Variants in ARHGAP30 observed in about 807,000 individuals in gnomAD.
ARHGAP30 encodes the protein rho GTPase-activating protein 30.
A neutral mutation model predicts 72.0 loss-of-function variants in ARHGAP30; 23 were observed. The observed-to-expected ratio is 0.32, with a 90% CI of 0.23 to 0.45. The LOEUF is 0.45. ARHGAP30 is among the 20% of genes least tolerant of loss of function. The pLI is 1.00. For synonymous variants in ARHGAP30, 576 were observed against 528.2 expected, an observed-to-expected ratio of 1.09 and a Z score of -1.24; for missense variants, 1,319 against 1,383.4, an observed-to-expected ratio of 0.95 and a Z score of 0.74.
In ARHGAP30 at chr1:161,056,418, C is replaced by G; in HGVS notation, c.315G>C (p.Leu105=). Residue 105 remains leucine, a synonymous_variant, in exon 3 of 12, where the codon CTG becomes CTC. Coordinates refer to ENST00000368013, the MANE Select transcript of ARHGAP30 (RefSeq NM_001025598.2). ...ACTTGTCATAGAGCCGGTAAGTGAGCAGGGGATCCGGCAGTTCTCTGAAAT... is the reference window on the plus strand; with the variant it reads ...ACTTGTCATAGAGCCGGTAAGTGAGGAGGGGATCCGGCAGTTCTCTGAAAT... ...KAYFRELPDP[L]LTYRLYDKFA... 6.2e-7 allele frequency: 1 copy of G among 1,613,950 alleles called. No individual in the cohort carries two copies. The highest frequency in any genetic ancestry group is 1.3e-5 in the African/African-American group (1 of 75,038).
At chr1:161,056,259 T>A in intron 3 of ARHGAP30, 129 bp downstream of exon 3, 1 of 1,313,746 alleles carries the variant, frequency 7.6e-7, no homozygotes, top group African/African-American at 1.5e-5. Context: ...TTTTCCCCGG[T>A]AAGTTTTTCT....
chr1:161,051,703 A>G lies in ARHGAP30; in HGVS notation c.1031T>C (p.Leu344Pro). 6.2e-7 allele frequency: 1 copy of G among 1,609,670 alleles called. No individual in the cohort carries two copies. Among genetic ancestry groups the G allele is most frequent in the Non-Finnish European group, 8.5e-7 (1 of 1,178,324 alleles). Residue 344 changes from leucine (L) to proline (P), a missense_variant, in exon 10 of 12, where the codon CTG becomes CCG. By Grantham distance (98) the Leu-to-Pro change is moderately conservative (BLOSUM62 -3). Around this residue, in one of 2 missense-constraint regions of ARHGAP30, gnomAD observed 1,097 missense variants for 1,045.2 expected, o/e 1.05. Coordinates refer to ENST00000368013, the MANE Select transcript of ARHGAP30 (RefSeq NM_001025598.2). ...TGGCCGGGGGCTGCTGGGCCCCACCAGCCCCTCTGGCTCTGTGGAGGAAAA... is the reference window on the plus strand; with the variant it reads ...TGGCCGGGGGCTGCTGGGCCCCACCGGCCCCTCTGGCTCTGTGGAGGAAAA... The part of the protein sequence containing the change: ...AAGASDEPEG[L>P]VGPSSPRPSP...
chr1:161,060,105 ACT>A, intron 1 of ARHGAP30: 1 of 369,006 alleles, frequency 2.7e-6, no homozygotes. Context: ...ACATGCTGAA[ACT>A]CTGTCTCTAC....
Position 161,069,411 on chromosome 1 carries a change from G to C in ARHGAP30, c.97+117C>G. 1.0e-6 allele frequency: 1 copy of C among 1,004,354 alleles called. No homozygotes were observed. Among genetic ancestry groups the C allele is most frequent in the Non-Finnish European group, 1.5e-6 (1 of 666,784 alleles). 62.2% of individuals were successfully genotyped at this position (1,004,354 alleles called of 1,614,324 possible). A position where few individuals can be genotyped will look rare whatever the true frequency, so the allele number is the denominator to read the frequency against. ...ACAGTTCTCTTGAATGGTGACCCCA[G>C]GCCACTGCCCCTTCCCCAGGAGCAC... On this transcript the variant is annotated intron_variant, in intron 1 of 11. Transcript: ENST00000368013. This position sits in a 1 kb window ranked among gnomAD's most constrained non-coding sequence, Gnocchi z 4.9.
intron 6 of ARHGAP30, 175 bp downstream of exon 6, chr1:161,053,083 C>T (rs924183066): frequency 7.0e-6 from 7 of 1,005,992 alleles, no homozygotes; most frequent in Middle Eastern, 2.5e-4. Flanking sequence ...AGACTGACAG[C>T]AGAAGAAGTC....
At chr1:161,062,428 T>A (rs1192857672) in intron 1 of ARHGAP30, among the ~76,000 whole-genome samples, 2 of 151,960 alleles carry the variant, frequency 1.3e-5, no homozygotes, top group Non-Finnish European at 1.5e-5. Context: ...CTTCTATGCA[T>A]TCCTTAAGAC....
chr1:161,050,742 G>C (rs1651299369), intron 10 of ARHGAP30, among the ~76,000 whole-genome samples: 1 of 151,700 alleles, frequency 6.6e-6, no homozygotes, highest in Non-Finnish European at 1.5e-5. Flanking sequence ...CTGGGTTCAA[G>C]CGATTCTCCT....
chr1:161,064,619 A>T (rs1436378725), intron 1 of ARHGAP30, among the ~76,000 whole-genome samples: 1 of 151,988 alleles, frequency 6.6e-6, no homozygotes, highest in Non-Finnish European at 1.5e-5. Flanking sequence ...TTAGCAGGGC[A>T]TGGTGGCTCA....
rs745923563 is a variant in ARHGAP30 at position 161,051,537 on chromosome 1, C to G, written c.1197G>C (p.Gly399=). The part of the protein sequence containing the change: ...PRAGRSAIRA[G]GSSRAERCAG... Reference sequence around the variant, plus strand: ...CACAGCGTTCTGCACGGCTGCTGCCCCCAGCCCGGATGGCTGACCGCCCAG... The same window carrying G: ...CACAGCGTTCTGCACGGCTGCTGCCGCCAGCCCGGATGGCTGACCGCCCAG... Residue 399 remains glycine, a synonymous_variant, in exon 10 of 12, where the codon GGG becomes GGC. Transcript: ENST00000368013. 1 of 1,614,216 alleles carries G rather than the reference C, an allele frequency of 6.2e-7. No homozygotes were observed. The highest frequency in any genetic ancestry group is 2.2e-5 in the East Asian group (1 of 44,892).
intron 5 of ARHGAP30, among the ~76,000 whole-genome samples, chr1:161,053,743 C>A (rs756498868): frequency 8.5e-5 from 13 of 152,170 alleles, no homozygotes; most frequent in South Asian, 4.1e-4. Context: ...GCACAGCCAA[C>A]AGACTGCAAG....
intron 1 of ARHGAP30, among the ~76,000 whole-genome samples, chr1:161,064,857 AGGAG>A (rs1435920918): frequency 0.021 from 2,011 of 96,468 alleles, 26 homozygotes; most frequent in Non-Finnish European, 0.031. Context: ...AAGGAAAGGA[AGGAG>A]AGGAAGGAGA....
rs781196727 is a variant in ARHGAP30 at position 161,052,055 on chromosome 1, C to CACCACA, written c.1018+225_1018+230dup. 4.8e-3 allele frequency among the ~76,000 whole-genome samples: 69 copies of CACCACA among 14,442 alleles called. 28 individuals carry two copies. Among genetic ancestry groups the CACCACA allele is most frequent in the Non-Finnish European group, 6.7e-3 (38 of 5,708 alleles). 9.5% of individuals were successfully genotyped at this position (14,442 alleles called of 152,430 possible). On this transcript the variant is annotated intron_variant, in intron 9 of 11. Transcript: ENST00000368013. ...CCACCACCACCACCACCACCACCAC[C>CACCACA]ACCACATACCCATGCTGTCCCATCC...
rs183851032 is a variant in ARHGAP30 at position 161,049,549 on chromosome 1, G to T, written c.1561C>A (p.Pro521Thr). 17 of 1,614,116 alleles carry T rather than the reference G, an allele frequency of 1.1e-5. No homozygotes were observed. The highest frequency in any genetic ancestry group is 1.4e-5 in the Non-Finnish European group (17 of 1,180,004). Residue 521 changes from proline to threonine, a missense_variant, in exon 11 of 12, where the codon CCT becomes ACT. By Grantham distance (38) the Pro-to-Thr change is conservative. Transcript: ENST00000368013. ...SFLEDSSSSE[P>T]EWVGAEDGEV... ...CCATCCTCTGCCCCCACCCACTCAGGTTCTGAGCTGCTTGAGTCCTCTAGG... is the reference window on the plus strand; with the variant it reads ...CCATCCTCTGCCCCCACCCACTCAGTTTCTGAGCTGCTTGAGTCCTCTAGG...
At chr1:161,056,834 G>A (rs1651911412) in intron 2 of ARHGAP30, among the ~76,000 whole-genome samples, 1 of 152,150 alleles carries the variant, frequency 6.6e-6, no homozygotes, top group South Asian at 2.1e-4. Flanking sequence ...AGTCAGTAGG[G>A]TATGGTCCTA....
At chr1:161,050,839 G>T (rs570773561) in intron 10 of ARHGAP30, among the ~76,000 whole-genome samples, 1 of 151,100 alleles carries the variant, frequency 6.6e-6, no homozygotes, top group African/African-American at 2.4e-5. Context: ...ATGGGGTTTC[G>T]CCATGTTGGG....
chr1:161,054,719 G>A lies in ARHGAP30; in HGVS notation c.346-14C>T. 3 of 1,613,222 alleles carry A rather than the reference G, an allele frequency of 1.9e-6. No homozygotes were observed. The highest frequency in any genetic ancestry group is 2.2e-5 in the South Asian group (2 of 91,076). On this transcript the variant is annotated splice_polypyrimidine_tract_variant and intron_variant, in intron 3 of 11. Transcript: ENST00000368013. ...TCCTACAGCCTCCTGATTGAGAAGA[G>A]TGCAAGAAGCAGGAATCAGTGACCC... is the stretch of plus-strand genomic sequence containing the variant.
At chr1:161,059,332 G>GT (rs1041197985) in intron 2 of ARHGAP30, among the ~76,000 whole-genome samples, 270 of 102,144 alleles carry the variant, frequency 2.6e-3, no homozygotes, top group South Asian at 9.6e-3. Context: ...CCTGGCTCAA[G>GT]TTTTTTTTTT....
chr1:161,062,400 C>G (rs1652376239), intron 1 of ARHGAP30, among the ~76,000 whole-genome samples: 1 of 152,084 alleles, frequency 6.6e-6, no homozygotes, highest in Non-Finnish European at 1.5e-5. Context: ...TACCCTCCCT[C>G]TGACTCTGCC....
At chr1:161,053,482 C>G (rs1651582858) in intron 5 of ARHGAP30, 97 bp from the exon 6 acceptor site, 1 of 1,206,880 alleles carries the variant, frequency 8.3e-7, no homozygotes, top group East Asian at 2.6e-5. Flanking sequence ...CTCTCTCTCT[C>G]TCTCTCTCTC....
Sources: allele counts gnomAD v4.1 joint callset (sites outside exome capture counted in the v4.1 genomes callset), GRCh38; gene constraint gnomAD v4.1.1; regional missense constraint gnomAD v4.1.1; non-coding constraint Gnocchi (gnomAD v3.1); transcripts MANE v1.5; gene names NCBI Gene and HGNC (gene_info 2026-07-23, HGNC 2026-07-21).